DPYSL5: variants seen among roughly 807,000 people sequenced by gnomAD.
DPYSL5 encodes dihydropyrimidinase-related protein 5.
In DPYSL5, 9 loss-of-function variants were observed where a neutral mutation model predicts 58.4. The ratio of observed to expected loss-of-function variants is 0.15; its 90% CI spans 0.09 to 0.27. The LOEUF (loss-of-function observed/expected upper bound fraction) is 0.27, where lower values mean the gene tolerates loss of function less well. Ranked by LOEUF, DPYSL5 falls within the 10% of genes least tolerant of loss-of-function variation. The probability of loss-of-function intolerance (pLI) is 1.00; values close to 1 mark genes in which losing one functional copy is unlikely to be tolerated. For missense variants in DPYSL5, 499 were observed against 770.6 expected, an observed-to-expected ratio of 0.65 and a Z score of 4.17; for synonymous variants, 293 against 301.9, an observed-to-expected ratio of 0.97 and a Z score of 0.31.
intron 1 of DPYSL5, among the ~76,000 whole-genome samples, chr2:26,897,569 G>T (rs1664050707): frequency 6.6e-6 from 1 of 152,070 alleles, no homozygotes; most frequent in Non-Finnish European, 1.5e-5. Flanking sequence ...CAAATATTTT[G>T]TCAAGAATTT....
At chr2:26,913,105 G>A (rs1007444286) in intron 2 of DPYSL5, among the ~76,000 whole-genome samples, 2 of 152,162 alleles carry the variant, frequency 1.3e-5, no homozygotes, top group African/African-American at 2.4e-5. Context: ...AAAATTTACC[G>A]TTTTGACTGT....
intron 1 of DPYSL5, among the ~76,000 whole-genome samples, chr2:26,884,337 CTT>C (rs1437795215): frequency 6.6e-6 from 1 of 152,126 alleles, no homozygotes; most frequent in African/African-American, 2.4e-5. Flanking sequence ...TTTACTCACA[CTT>C]ACTTTTGAGG....
At chr2:26,894,983 A>C (rs145375852) in intron 1 of DPYSL5, among the ~76,000 whole-genome samples, 3 of 152,284 alleles carry the variant, frequency 2.0e-5, no homozygotes, top group African/African-American at 7.2e-5. Context: ...TTTTTATATA[A>C]GATTTTAGGT....
intron 1 of DPYSL5, among the ~76,000 whole-genome samples, chr2:26,895,283 T>C (rs1403535830): frequency 6.6e-6 from 1 of 152,242 alleles, no homozygotes; most frequent in Middle Eastern, 3.2e-3. Flanking sequence ...GGGATTTTAA[T>C]AGGAATTGCA....
chr2:26,945,505 C>T (rs1441549694), intron 12 of DPYSL5, among the ~76,000 whole-genome samples: 1 of 150,836 alleles, frequency 6.6e-6, no homozygotes, highest in Non-Finnish European at 1.5e-5. Flanking sequence ...GTTTCCCGCC[C>T]CCCCGTCCCC....
chr2:26,931,963 G>A (rs183384121), intron 6 of DPYSL5, among the ~76,000 whole-genome samples: 14 of 135,112 alleles, frequency 1.0e-4, no homozygotes, highest in Admixed American at 5.9e-4. Context: ...AGCCAAGATC[G>A]TGCCAACTGC....
intron 5 of DPYSL5, among the ~76,000 whole-genome samples, chr2:26,930,835 A>G (rs1044637304): frequency 2.0e-5 from 3 of 151,734 alleles, no homozygotes; most frequent in South Asian, 2.1e-4. Flanking sequence ...TTAGTCGGGC[A>G]TGGTGGTGGG....
rs59337750 is a variant in DPYSL5 at position 26,937,742 on chromosome 2, T to TTTTGTTTGTTTG, written c.948-2262_948-2251dup. ...TGTGCACCACCATGCCTGGCTAGTT[T>TTTTGTTTGTTTG]TTTGTTTGTTTGTTTGTTTGTTTGT... On this transcript the variant is annotated intron_variant, in intron 8 of 12. Transcript: ENST00000288699. Among the ~76,000 whole-genome samples the TTTTGTTTGTTTG allele has an allele frequency of 5.6e-3, 830 of 149,212 alleles. 4 individuals carry two copies. The highest frequency in any genetic ancestry group is 6.8e-3 in the African/African-American group (275 of 40,356).
intron 9 of DPYSL5, among the ~76,000 whole-genome samples, 182 bp downstream of exon 9, chr2:26,940,354 T>A (rs1197595670): frequency 6.6e-6 from 1 of 151,734 alleles, no homozygotes; most frequent in African/African-American, 2.4e-5. Flanking sequence ...TTTCCCCCAA[T>A]TAGAAAGGTA....
rs1050626703 is a variant in DPYSL5, at chr2:26,849,082, G to A, written c.-5+828G>A. On this transcript the variant is annotated intron_variant, in intron 1 of 12. Transcript: ENST00000288699. The surrounding 1 kb of genome is among the most constrained non-coding windows in gnomAD (Gnocchi z 6.2). Reference sequence around the variant, plus strand: ...TGGGGAAGGCTGGGGAGCTGGGTTAGGACAGGTAGTGGGTCTCGGGGAGCA... The same window carrying A: ...TGGGGAAGGCTGGGGAGCTGGGTTAAGACAGGTAGTGGGTCTCGGGGAGCA... Among the ~76,000 whole-genome samples, 3 of 151,714 alleles carry A rather than the reference G, an allele frequency of 2.0e-5. No homozygotes were observed. The highest frequency in any genetic ancestry group is 7.3e-5 in the African/African-American group (3 of 41,290).
intron 5 of DPYSL5, among the ~76,000 whole-genome samples, chr2:26,931,152 A>AAATAT (rs1209140758): frequency 4.1e-4 from 20 of 48,824 alleles, no homozygotes; most frequent in African/African-American, 1.2e-3. Flanking sequence ...AAAAAAAAAA[A>AAATAT]ATATATATAT....
chr2:26,909,495 G>A (rs898812712), intron 2 of DPYSL5, among the ~76,000 whole-genome samples: 4 of 152,026 alleles, frequency 2.6e-5, no homozygotes, highest in South Asian at 2.1e-4. Context: ...TCAGTGGCTC[G>A]GTGGCTCACG....
In DPYSL5 at chr2:26,933,929, G is replaced by GC. The variant is rs1665101311; in HGVS notation, c.790+598dup. ...AGGAGAAACAAAGTCACAGTCACAA[G>GC]CCTGGGGAGACAGATCAGAAGCAAG... On this transcript the variant is annotated intron_variant, in intron 7 of 12. Coordinates refer to ENST00000288699, the MANE Select transcript of DPYSL5 (RefSeq NM_020134.4). The surrounding 1 kb of genome is among the most constrained non-coding windows in gnomAD (Gnocchi z 4.2). 6.6e-6 allele frequency among the ~76,000 whole-genome samples: 1 copy of GC among 152,178 alleles called. No individual in the cohort carries two copies.
intron 2 of DPYSL5, among the ~76,000 whole-genome samples, chr2:26,921,730 A>G (rs555186952): frequency 3.9e-5 from 6 of 152,260 alleles, no homozygotes; most frequent in African/African-American, 1.4e-4. Flanking sequence ...GATCCAGTGA[A>G]ACTCTTGTTT....
chr2:26,898,849 G>A lies in DPYSL5; in HGVS notation c.261+89G>A. On this transcript the variant is annotated intron_variant, in intron 2 of 12. Transcript: ENST00000288699. This position sits in a 1 kb window ranked among gnomAD's most constrained non-coding sequence, Gnocchi z 6.1. ...CTCCAGACTAGACTCATGTGAGCCA[G>A]GTGCTCCCAGTGTATTGCTGGCAGG... 6.8e-7 allele frequency: 1 copy of A among 1,478,098 alleles called. No homozygotes were observed. Among genetic ancestry groups the A allele is most frequent in the Non-Finnish European group, 9.1e-7 (1 of 1,099,162 alleles). 91.6% of individuals were successfully genotyped at this position (1,478,098 alleles called of 1,614,324 possible). A position where few individuals can be genotyped will look rare whatever the true frequency, so the allele number is the denominator to read the frequency against.
intron 2 of DPYSL5, among the ~76,000 whole-genome samples, chr2:26,921,192 G>C (rs1250365917): frequency 6.6e-6 from 1 of 152,118 alleles, no homozygotes; most frequent in Non-Finnish European, 1.5e-5. Flanking sequence ...ATTTCATGTT[G>C]TCAGGAAGCT....
At position 26,946,925 on chromosome 2, in the gene DPYSL5, A is replaced by T. The variant is rs1665501076; in HGVS notation, c.1625A>T (p.Asp542Val). The change falls in exon 13 of 13, where the codon GAC becomes GTC. Residue 542 changes from aspartate (D) to valine (V), a missense_variant. This residue lies in a region of DPYSL5 where 33 missense variants were observed against 63.8 expected (regional missense o/e 0.52). Transcript: ENST00000288699. ...SFSLSGSQID[D>V]HVPKRASARI... ...TTCCCTGCAGGCTCTCAGATCGATG[A>T]CCATGTTCCAAAGCGAGCTTCAGCT... 1 of 1,613,948 alleles carries T rather than the reference A, an allele frequency of 6.2e-7. No individual in the cohort carries two copies. Among genetic ancestry groups the T allele is most frequent in the African/African-American group, 1.3e-5 (1 of 74,930 alleles).
At chr2:26,852,327 G>A (rs1038494881) in intron 1 of DPYSL5, among the ~76,000 whole-genome samples, 4 of 152,092 alleles carry the variant, frequency 2.6e-5, no homozygotes, top group African/African-American at 4.8e-5. Flanking sequence ...TTTCAAAATC[G>A]CTTTGCCTTG....
intron 2 of DPYSL5, among the ~76,000 whole-genome samples, chr2:26,912,408 A>G (rs1483486501): frequency 1.3e-5 from 2 of 152,188 alleles, no homozygotes; most frequent in Non-Finnish European, 2.9e-5. Flanking sequence ...AAGGATGGAG[A>G]AAGCGGAGTT....
Sources: allele counts gnomAD v4.1 joint callset (sites outside exome capture counted in the v4.1 genomes callset), GRCh38; gene constraint gnomAD v4.1.1; regional missense constraint gnomAD v4.1.1; non-coding constraint Gnocchi (gnomAD v3.1); transcripts MANE v1.5; gene names NCBI Gene and HGNC (gene_info 2026-07-23, HGNC 2026-07-21).